The following FBLN1 variants were observed in gnomAD, a reference collection of about 807,000 sequenced individuals.
FBLN1 encodes fibulin-1.
Under a neutral mutation model 89.7 loss-of-function variants are expected in FBLN1, and 34 were observed. The observed-to-expected ratio is 0.38, with a 90% CI of 0.29 to 0.50. The LOEUF (loss-of-function observed/expected upper bound fraction) is 0.50, where lower values mean the gene tolerates loss of function less well. Among genes scored for constraint, FBLN1 ranks in the 20% least tolerant of loss-of-function variants. The pLI, the probability that FBLN1 is intolerant of heterozygous loss-of-function variation, is 0.92. For synonymous variants in FBLN1, 393 were observed against 391.3 expected, an observed-to-expected ratio of 1.00 and a Z score of -0.05; for missense variants, 777 against 988.1, an observed-to-expected ratio of 0.79 and a Z score of 2.86.
chr22:45,592,054 G>T (rs539811534), intron 16 of FBLN1, among the ~76,000 whole-genome samples: 9 of 152,322 alleles, frequency 5.9e-5, no homozygotes, highest in East Asian at 5.8e-4. Context: ...GGGATGGGAA[G>T]ATCTGGGCTC....
chr22:45,543,561 G>A (rs1249113212), intron 11 of FBLN1, 35 bp downstream of exon 11: 1 of 1,608,504 alleles, frequency 6.2e-7, no homozygotes, highest in South Asian at 1.1e-5. Context: ...ACCTCCCCCA[G>A]GTCACCTTCC....
intron 16 of FBLN1, among the ~76,000 whole-genome samples, chr22:45,589,126 TA>T (rs560888718): frequency 1.8e-4 from 27 of 148,068 alleles, no homozygotes; most frequent in Admixed American, 1.0e-3. Context: ...TTTATATATA[TA>T]AAAAATATGT....
intron 1 of FBLN1, chr22:45,517,500 A>G: frequency 2.1e-6 from 1 of 467,896 alleles, no homozygotes; most frequent in Admixed American, 2.4e-5. Flanking sequence ...CTGTGTGCCC[A>G]GCTCATTTGG....
chr22:45,576,879 A>T lies in FBLN1; in HGVS notation c.1841-98A>T. 6.9e-7 allele frequency: 1 copy of T among 1,441,270 alleles called. No homozygotes were observed. Among genetic ancestry groups the T allele is most frequent in the Non-Finnish European group, 9.6e-7 (1 of 1,040,468 alleles). 89.3% of individuals were successfully genotyped at this position (1,441,270 alleles called of 1,614,324 possible). A position where few individuals can be genotyped will look rare whatever the true frequency, so the allele number is the denominator to read the frequency against. ...TTGTCTCATGAAAGGGCCCTGGGTTAGGTCTTCATTCCCCAAGGGTGAGTT... is the reference window on the plus strand; with the variant it reads ...TTGTCTCATGAAAGGGCCCTGGGTTTGGTCTTCATTCCCCAAGGGTGAGTT... On this transcript the variant is annotated intron_variant, in intron 15 of 16. Coordinates refer to ENST00000327858, the MANE Select transcript of FBLN1 (RefSeq NM_006486.3). The surrounding 1 kb of genome is among the most constrained non-coding windows in gnomAD (Gnocchi z 5.2).
chr22:45,550,526 C>T lies in FBLN1; in HGVS notation c.1608C>T (p.Cys536=), dbSNP rs1490529996. The change falls in exon 14 of 17, where the codon TGC becomes TGT. Residue 536 remains cysteine (C), a synonymous_variant. Coordinates refer to ENST00000327858, the MANE Select transcript of FBLN1 (RefSeq NM_006486.3). The surrounding 1 kb of genome is among the most constrained non-coding windows in gnomAD (Gnocchi z 8.4). The part of the protein sequence containing the change: ...IDECVTGIHN[C]SINETCFNIQ... Reference sequence around the variant, plus strand: ...AGTGTGTGACTGGCATCCACAACTGCTCCATCAACGAGACCTGCTTCAACA... The same window carrying T: ...AGTGTGTGACTGGCATCCACAACTGTTCCATCAACGAGACCTGCTTCAACA... 1.2e-6 allele frequency: 2 copies of T among 1,614,160 alleles called. No individual in the cohort carries two copies. Among genetic ancestry groups the T allele is most frequent in the African/African-American group, 1.3e-5 (1 of 75,064 alleles).
chr22:45,589,081 ATTTTT>A (rs527351723), intron 16 of FBLN1, among the ~76,000 whole-genome samples: 29 of 145,508 alleles, frequency 2.0e-4, no homozygotes, highest in Admixed American at 1.2e-3. Context: ...ATATAAAAAT[ATTTTT>A]TATATATATA....
rs2088959487 is a variant in FBLN1, at chr22:45,572,406, C to A, written c.1698-2105C>A. 6.6e-6 allele frequency among the ~76,000 whole-genome samples: 1 copy of A among 152,216 alleles called. No individual in the cohort carries two copies. The highest frequency in any genetic ancestry group is 1.9e-4 in the East Asian group (1 of 5,200). On this transcript the variant is annotated intron_variant, in intron 14 of 16. Transcript: ENST00000327858. This position sits in a 1 kb window ranked among gnomAD's most constrained non-coding sequence, Gnocchi z 5.8. ...AGAGGATCAAACCTCATCGGAGTGGCTTCCATCATGGGTTCATACTGATTT... is the reference window on the plus strand; with the variant it reads ...AGAGGATCAAACCTCATCGGAGTGGATTCCATCATGGGTTCATACTGATTT...
intron 14 of FBLN1, among the ~76,000 whole-genome samples, chr22:45,555,290 T>TATATATATAA (rs899715449): frequency 1.4e-5 from 2 of 143,992 alleles, no homozygotes; most frequent in Admixed American, 7.0e-5. Context: ...TATATATATA[T>TATATATATAA]AAAATGGAAT....
chr22:45,521,744 G>A (rs2088254101), intron 2 of FBLN1, among the ~76,000 whole-genome samples: 1 of 152,190 alleles, frequency 6.6e-6, no homozygotes, highest in Non-Finnish European at 1.5e-5. Context: ...GGGGAGGTCA[G>A]AGCTCCTGTC....
intron 13 of FBLN1, 124 bp downstream of exon 13, chr22:45,548,868 C>A: frequency 6.8e-7 from 1 of 1,471,896 alleles, no homozygotes; most frequent in Non-Finnish European, 9.2e-7. Context: ...AGATGGAATG[C>A]ATTCAGGAAA....
intron 1 of FBLN1, among the ~76,000 whole-genome samples, chr22:45,510,181 C>T (rs1019299029): frequency 1.3e-5 from 2 of 152,150 alleles, no homozygotes; most frequent in African/African-American, 4.8e-5. Flanking sequence ...CACCACTTCA[C>T]AGAGGTAGGG....
In FBLN1 at chr22:45,556,966, G is replaced by A. The variant is rs1360667452; in HGVS notation, c.1697+6351G>A. On this transcript the variant is annotated intron_variant, in intron 14 of 16. Transcript: ENST00000327858. This position sits in a 1 kb window ranked among gnomAD's most constrained non-coding sequence, Gnocchi z 4.6. Reference sequence around the variant, plus strand: ...GAATCCTGGCTATGGGAGAAACAGTGCCATAATATTGGACCCTGATTCAGA... The same window carrying A: ...GAATCCTGGCTATGGGAGAAACAGTACCATAATATTGGACCCTGATTCAGA... 6.6e-6 allele frequency among the ~76,000 whole-genome samples: 1 copy of A among 152,128 alleles called. No homozygotes were observed. The highest frequency in any genetic ancestry group is 1.5e-5 in the Non-Finnish European group (1 of 68,016).
rs2088693869 is a variant in FBLN1, at chr22:45,550,961, C to A, written c.1697+346C>A. On this transcript the variant is annotated intron_variant, in intron 14 of 16. Coordinates refer to ENST00000327858, the MANE Select transcript of FBLN1 (RefSeq NM_006486.3). The surrounding 1 kb of genome is among the most constrained non-coding windows in gnomAD (Gnocchi z 8.4). ...TTCCTCATCTGTAACATGCAGATGT[C>A]AGAACGTGCTCTGACTGAGATGCAT... is the stretch of plus-strand genomic sequence containing the variant. 5.1e-6 allele frequency: 2 copies of A among 394,448 alleles called. No individual in the cohort carries two copies. Among genetic ancestry groups the A allele is most frequent in the South Asian group, 4.4e-5 (2 of 45,456 alleles). 24.4% of individuals were successfully genotyped at this position (394,448 alleles called of 1,614,324 possible).
rs1371396628 is a variant in FBLN1, at chr22:45,531,282, G to C, written c.502G>C (p.Glu168Gln). 1.2e-6 allele frequency: 2 copies of C among 1,614,074 alleles called. No homozygotes were observed. Among genetic ancestry groups the C allele is most frequent in the Admixed American group, 3.3e-5 (2 of 60,016 alleles). The change falls in exon 5 of 17, where the codon GAG becomes CAG. Residue 168 changes from glutamate (E) to glutamine (Q), a missense_variant. By Grantham distance (29) the Glu-to-Gln change is conservative. Coordinates refer to ENST00000327858, the MANE Select transcript of FBLN1 (RefSeq NM_006486.3). The surrounding 1 kb of genome is among the most constrained non-coding windows in gnomAD (Gnocchi z 4.9). ...LQETDKIIEV[E>Q]EEQEDPYLND... ...CCCCTTAGATAAGATCATTGAGGTTGAGGAGGAACAAGAGGACCCATATCT... is the reference window on the plus strand; with the variant it reads ...CCCCTTAGATAAGATCATTGAGGTTCAGGAGGAACAAGAGGACCCATATCT...
At position 45,576,427 on chromosome 22, in the gene FBLN1, AC is replaced by A. The variant is rs1371489072; in HGVS notation, c.1841-549del. 1.1e-4 allele frequency among the ~76,000 whole-genome samples: 17 copies of A among 151,898 alleles called. No homozygotes were observed. The highest frequency in any genetic ancestry group is 3.4e-4 in the African/African-American group (14 of 41,424). ...CTCCGCCGGCTTCCTTCCTCACCTT[AC>A]AGGTGAGGAAACTGAGGCCCACAGA... On this transcript the variant is annotated intron_variant, in intron 15 of 16. Coordinates refer to ENST00000327858, the MANE Select transcript of FBLN1 (RefSeq NM_006486.3). This position sits in a 1 kb window ranked among gnomAD's most constrained non-coding sequence, Gnocchi z 5.2.
Position 45,514,560 on chromosome 22 carries a change from G to A in FBLN1, c.80-4122G>A, listed in dbSNP as rs144428303. On this transcript the variant is annotated intron_variant, in intron 1 of 16. Coordinates refer to ENST00000327858, the MANE Select transcript of FBLN1 (RefSeq NM_006486.3). ...TTGTGTGGGTGGGCTCCAGCCCCTC[G>A]GGATTTTCCTGGGGGTCACTGCCTC... Among the ~76,000 whole-genome samples, 22 of 152,294 alleles carry A rather than the reference G, an allele frequency of 1.4e-4. No individual in the cohort carries two copies. In the East Asian group the frequency reaches 3.9e-3, roughly 27 times the overall value.
At position 45,597,811 on chromosome 22, in the gene FBLN1, C is replaced by A. The variant is rs1386987427; in HGVS notation, c.1973-2496C>A. Among the ~76,000 whole-genome samples the A allele has an allele frequency of 2.6e-5, 4 of 152,208 alleles. No homozygotes were observed. Among genetic ancestry groups the A allele is most frequent in the Non-Finnish European group, 5.9e-5 (4 of 68,040 alleles). On this transcript the variant is annotated intron_variant, in intron 16 of 16. Coordinates refer to ENST00000327858, the MANE Select transcript of FBLN1 (RefSeq NM_006486.3). The surrounding 1 kb of genome is among the most constrained non-coding windows in gnomAD (Gnocchi z 4.2). ...TTATCTCTCCATCGGAGCTAAAGCC[C>A]ATGTTTGCTTAGGGAACAGCCTGAA...
rs1430124091 is a variant in FBLN1, at chr22:45,576,090, G to A, written c.1841-887G>A. On this transcript the variant is annotated intron_variant, in intron 15 of 16. Coordinates refer to ENST00000327858, the MANE Select transcript of FBLN1 (RefSeq NM_006486.3). This position sits in a 1 kb window ranked among gnomAD's most constrained non-coding sequence, Gnocchi z 5.2. Reference sequence around the variant, plus strand: ...TCAGCACGTGGTTGCCCAAGGAGCCGTCCCCAGTCCCAGTCCCCCTAGGTT... The same window carrying A: ...TCAGCACGTGGTTGCCCAAGGAGCCATCCCCAGTCCCAGTCCCCCTAGGTT... 3.3e-5 allele frequency among the ~76,000 whole-genome samples: 5 copies of A among 152,194 alleles called. No homozygotes were observed. The highest frequency in any genetic ancestry group is 7.3e-5 in the Non-Finnish European group (5 of 68,030).
intron 11 of FBLN1, among the ~76,000 whole-genome samples, chr22:45,543,929 G>T (rs1282832262): frequency 6.6e-6 from 1 of 152,240 alleles, no homozygotes. Flanking sequence ...CACAAAGACA[G>T]TGTGTGGGTT....
Sources: gnomAD v4.1 joint callset for allele counts (sites outside exome capture counted in the v4.1 genomes callset) on GRCh38, gnomAD v4.1.1 for gene constraint, Gnocchi (gnomAD v3.1) non-coding constraint, MANE v1.5 for transcripts, NCBI Gene and HGNC (gene_info 2026-07-23, HGNC 2026-07-21) for gene names.